The following MTREX variants were observed in gnomAD, a reference collection of about 807,000 sequenced individuals.
MTREX encodes the protein Mtr4 exosome RNA helicase.
Under a neutral mutation model 135.4 loss-of-function variants are expected in MTREX, and 76 were observed. That is an observed-to-expected ratio of 0.56 (90% confidence interval 0.47 to 0.68). The LOEUF (loss-of-function observed/expected upper bound fraction) is 0.68. MTREX is among the 30% of genes least tolerant of loss of function. The pLI, the probability that MTREX is intolerant of heterozygous loss-of-function variation, is 0.00. For missense variants in MTREX, 920 were observed against 1,262.1 expected (o/e 0.73, Z 4.11); for synonymous variants, 404 against 401.6 (o/e 1.01, Z -0.07).
intron 22 of MTREX, 95 bp downstream of exon 22, chr5:55,405,683 C>CA: frequency 8.9e-7 from 1 of 1,122,548 alleles, no homozygotes. Context: ...CTCACTGTTG[C>CA]CCAGGCTGGA....
chr5:55,318,551 T>C (rs1749235817), intron 1 of MTREX, among the ~76,000 whole-genome samples: 1 of 152,138 alleles, frequency 6.6e-6, no homozygotes, highest in African/African-American at 2.4e-5. Context: ...TTCTCGCTTA[T>C]AAATGGGAGC....
At chr5:55,376,875 G>A (rs1159066899) in intron 16 of MTREX, among the ~76,000 whole-genome samples, 1 of 151,794 alleles carries the variant, frequency 6.6e-6, no homozygotes, top group African/African-American at 2.4e-5. Context: ...TTCAAAACCA[G>A]CCTGGCCAAC....
intron 24 of MTREX, among the ~76,000 whole-genome samples, chr5:55,415,514 G>A (rs1750953523): frequency 6.6e-6 from 1 of 152,108 alleles, no homozygotes; most frequent in South Asian, 2.1e-4. Context: ...CTTTTAGATT[G>A]CCAAGTAAAG....
Position 55,350,906 on chromosome 5 carries a change from T to A in MTREX, c.1321-13T>A. Reference sequence around the variant, plus strand: ...CACATCATTATAAAATCAGTGTTATTCCAAAATCACAGGTAGAACATGTAC... The same window carrying A: ...CACATCATTATAAAATCAGTGTTATACCAAAATCACAGGTAGAACATGTAC... On this transcript the variant is annotated splice_polypyrimidine_tract_variant and intron_variant, in intron 12 of 26. Transcript: ENST00000230640. The A allele has an allele frequency of 6.4e-7, 1 of 1,573,426 alleles. No homozygotes were observed. Among genetic ancestry groups the A allele is most frequent in the Non-Finnish European group, 8.6e-7 (1 of 1,159,742 alleles).
At position 55,400,331 on chromosome 5, in the gene MTREX, A is replaced by G. The variant is rs750608892; in HGVS notation, c.2391A>G (p.Val797=). ...DQGLKKVIQK[V]EAFEHRMYSH... Reference sequence around the variant, plus strand: ...GGCTGAAAAAAGTCATTCAGAAAGTAGAAGCTTTTGAGCATCGAATGTATT... The same window carrying G: ...GGCTGAAAAAAGTCATTCAGAAAGTGGAAGCTTTTGAGCATCGAATGTATT... Residue 797 remains valine (V), a synonymous_variant, in exon 21 of 27, where the codon GTA becomes GTG. Transcript: ENST00000230640. 1.2e-6 allele frequency: 2 copies of G among 1,613,702 alleles called. No homozygotes were observed. The highest frequency in any genetic ancestry group is 1.7e-6 in the Non-Finnish European group (2 of 1,179,742).
rs145882613 is a variant in MTREX at position 55,424,258 on chromosome 5, T to C, written c.3077-462T>C. On this transcript the variant is annotated intron_variant, in intron 26 of 26. Transcript: ENST00000230640. ...ACCTCCCAGGTTCAAGCGATTCTCC[T>C]GCCTCAGCCTCCTGAGTAGCTGAAC... 983 of 152,882 alleles carry C rather than the reference T, an allele frequency of 6.4e-3. 3 individuals are homozygous for C. The highest frequency in any genetic ancestry group is 0.01 in the Non-Finnish European group (687 of 68,438). 9.5% of individuals were successfully genotyped at this position (152,882 alleles called of 1,614,324 possible). A position where few individuals can be genotyped will look rare whatever the true frequency, so the allele number is the denominator to read the frequency against.
At chr5:55,328,617 T>C in intron 4 of MTREX, 82 bp from the exon 5 acceptor site, 2 of 863,644 alleles carry the variant, frequency 2.3e-6, no homozygotes, top group Non-Finnish European at 3.8e-6. Context: ...CTTTGGGGGG[T>C]AGCCTGCTTG....
chr5:55,342,174 TG>T (rs1749659942), intron 7 of MTREX, among the ~76,000 whole-genome samples: 2 of 152,346 alleles, frequency 1.3e-5, no homozygotes, highest in South Asian at 2.1e-4. Flanking sequence ...CCTCCCAAAG[TG>T]CTGGGATTAC....
At chr5:55,351,275 G>A (rs979456423) in intron 13 of MTREX, among the ~76,000 whole-genome samples, 1 of 152,086 alleles carries the variant, frequency 6.6e-6, no homozygotes, top group Non-Finnish European at 1.5e-5. Flanking sequence ...GCTCACACCT[G>A]TAATCCCAGC....
intron 1 of MTREX, among the ~76,000 whole-genome samples, chr5:55,313,078 A>G (rs1234277804): frequency 6.6e-6 from 1 of 152,216 alleles, no homozygotes; most frequent in Non-Finnish European, 1.5e-5. Flanking sequence ...TACAATTAAC[A>G]TCACAGGGTT....
At chr5:55,359,654 T>C (rs1439129994) in intron 15 of MTREX, among the ~76,000 whole-genome samples, 2 of 152,236 alleles carry the variant, frequency 1.3e-5, no homozygotes, top group Admixed American at 1.3e-4. Context: ...ACCTCTTTAG[T>C]GCTTCATGAA....
chr5:55,321,048 A>C (rs1749281636), intron 1 of MTREX, among the ~76,000 whole-genome samples: 1 of 152,194 alleles, frequency 6.6e-6, no homozygotes, highest in South Asian at 2.1e-4. Context: ...ATTTTTTTAG[A>C]AAATAGTTAT....
Position 55,379,124 on chromosome 5 carries a change from T to C in MTREX, c.1984-3T>C, listed in dbSNP as rs201959510. ...TTGCTTACTTGCTTTTCTTTCTTTT[T>C]AGGTAAAGAATGAAGGAGATGACTT... On this transcript the variant is annotated splice_region_variant and splice_polypyrimidine_tract_variant and intron_variant, in intron 17 of 26. Transcript: ENST00000230640. The C allele has an allele frequency of 3.1e-6, 5 of 1,605,250 alleles. No homozygotes were observed. In the African/African-American group the frequency reaches 6.7e-5, roughly 21 times the overall value.
chr5:55,424,468 T>G, intron 26 of MTREX: 1 of 382,410 alleles, frequency 2.6e-6, no homozygotes, highest in Non-Finnish European at 4.8e-6. Flanking sequence ...TTTAAACAGT[T>G]CTAGACACCT....
chr5:55,374,858 A>G lies in MTREX; in HGVS notation c.1811-3456A>G, dbSNP rs190613975. On this transcript the variant is annotated intron_variant, in intron 16 of 26. Coordinates refer to ENST00000230640, the MANE Select transcript of MTREX (RefSeq NM_015360.5). Reference sequence around the variant, plus strand: ...CCTAATTATCAGGGAACCTGCCCCAATATTTACATAGGTTCTTTTCTATTT... The same window carrying G: ...CCTAATTATCAGGGAACCTGCCCCAGTATTTACATAGGTTCTTTTCTATTT... Among the ~76,000 whole-genome samples, 5 of 152,286 alleles carry G rather than the reference A, an allele frequency of 3.3e-5. No individual in the cohort carries two copies. In the East Asian group the frequency reaches 5.8e-4, roughly 18 times the overall value.
chr5:55,373,060 T>C (rs1207280652), intron 16 of MTREX, among the ~76,000 whole-genome samples: 3 of 151,716 alleles, frequency 2.0e-5, no homozygotes, highest in Admixed American at 2.0e-4. Context: ...TTTTTTAACC[T>C]AGTTTTGTTT....
intron 25 of MTREX, among the ~76,000 whole-genome samples, chr5:55,422,341 T>G (rs1162119645): frequency 6.6e-6 from 1 of 152,206 alleles, no homozygotes; most frequent in African/African-American, 2.4e-5. Context: ...TGAAAGAATC[T>G]AAGGTCAAGA....
chr5:55,330,224 T>G (rs887564784), intron 5 of MTREX, among the ~76,000 whole-genome samples: 1 of 151,898 alleles, frequency 6.6e-6, no homozygotes, highest in African/African-American at 2.4e-5. Context: ...CACAGGCATG[T>G]GCCACCATGA....
intron 16 of MTREX, among the ~76,000 whole-genome samples, chr5:55,370,628 T>C (rs1750180637): frequency 6.6e-6 from 1 of 152,166 alleles, no homozygotes; most frequent in Non-Finnish European, 1.5e-5. Context: ...AACATACTTT[T>C]TAATGGAAGA....
Sources: allele counts gnomAD v4.1 joint callset (sites outside exome capture counted in the v4.1 genomes callset), GRCh38; gene constraint gnomAD v4.1.1; transcripts MANE v1.5; gene names NCBI Gene and HGNC (gene_info 2026-07-23, HGNC 2026-07-21).